Variants in SNX13 observed in about 807,000 individuals in gnomAD.
SNX13 encodes sorting nexin-13.
A neutral mutation model predicts 133.6 loss-of-function variants in SNX13; 45 were observed. The ratio of observed to expected loss-of-function variants is 0.34; its 90% CI spans 0.27 to 0.43. The LOEUF is 0.43. SNX13 is among the 20% of genes least tolerant of loss of function. SNX13 has a pLI of 1.00. For missense variants in SNX13, 1,032 were observed against 1,145.1 expected, an observed-to-expected ratio of 0.90 and a Z score of 1.43; for synonymous variants, 414 against 373.9, an observed-to-expected ratio of 1.11 and a Z score of -1.24.
In SNX13 at chr7:17,831,278, T is replaced by A. The variant is rs143936841; in HGVS notation, c.1598-1231A>T. 4 of 972,332 alleles carry A rather than the reference T, an allele frequency of 4.1e-6. No individual in the cohort carries two copies. The African/African-American group carries it at 7.0e-5, about 17-fold the overall frequency. The allele number at this position is 972,332 out of a possible 1,614,324, so 60.2% of individuals were successfully genotyped here. ...AATATTAGAAAACAAAAGAAAGCACTGTTCAACATGGTGAGACAAATAATG... is the reference window on the plus strand; with the variant it reads ...AATATTAGAAAACAAAAGAAAGCACAGTTCAACATGGTGAGACAAATAATG... On this transcript the variant is annotated intron_variant, in intron 15 of 25. Transcript: ENST00000428135.
At chr7:17,847,466 G>A (rs1164411298) in intron 11 of SNX13, among the ~76,000 whole-genome samples, 3 of 151,994 alleles carry the variant, frequency 2.0e-5, no homozygotes, top group African/African-American at 4.8e-5. Context: ...CGAGTAGCTC[G>A]GATTACAGGC....
At chr7:17,805,258 C>A (rs577771974) in intron 20 of SNX13, among the ~76,000 whole-genome samples, 1 of 80,502 alleles carries the variant, frequency 1.2e-5, no homozygotes, top group African/African-American at 5.5e-5. Context: ...TGTGCGTGCG[C>A]GCGCGCGCAT....
At chr7:17,854,098 G>T (rs967902072) in intron 9 of SNX13, among the ~76,000 whole-genome samples, 2 of 152,144 alleles carry the variant, frequency 1.3e-5, no homozygotes, top group African/African-American at 4.8e-5. Context: ...CTAAGTAAAT[G>T]TATGAGTGTA....
chr7:17,809,676 A>C (rs1025808668), intron 20 of SNX13, among the ~76,000 whole-genome samples: 4 of 152,244 alleles, frequency 2.6e-5, no homozygotes, highest in Admixed American at 6.5e-5. Flanking sequence ...CATTCTTCTC[A>C]GCACCACATC....
At chr7:17,838,279 A>G (rs1391494672) in intron 13 of SNX13, among the ~76,000 whole-genome samples, 1 of 151,982 alleles carries the variant, frequency 6.6e-6, no homozygotes, top group Non-Finnish European at 1.5e-5. Context: ...AAAGTTGATC[A>G]TAATATTTGC....
intron 1 of SNX13, among the ~76,000 whole-genome samples, chr7:17,923,522 C>G (rs1247597574): frequency 6.6e-6 from 1 of 152,108 alleles, no homozygotes; most frequent in Non-Finnish European, 1.5e-5. Flanking sequence ...AGCTATAATT[C>G]TTAGACCTGG....
chr7:17,911,669 G>A (rs1798999727), intron 1 of SNX13, among the ~76,000 whole-genome samples: 1 of 150,826 alleles, frequency 6.6e-6, no homozygotes, highest in Non-Finnish European at 1.5e-5. Context: ...TAACATAATT[G>A]CTTCCCATAA....
intron 9 of SNX13, among the ~76,000 whole-genome samples, chr7:17,859,530 G>A (rs1001877843): frequency 3.3e-5 from 5 of 152,056 alleles, no homozygotes; most frequent in African/African-American, 1.2e-4. Flanking sequence ...TTTTTCTACT[G>A]TGGTCAAAAA....
chr7:17,853,932 A>T (rs1022074397), intron 9 of SNX13, among the ~76,000 whole-genome samples: 1 of 151,884 alleles, frequency 6.6e-6, no homozygotes, highest in African/African-American at 2.4e-5. Context: ...CAGAGCGAGA[A>T]TCCATCTCCA....
intron 1 of SNX13, among the ~76,000 whole-genome samples, chr7:17,931,109 T>C (rs534104833): frequency 5.9e-5 from 9 of 152,304 alleles, no homozygotes; most frequent in African/African-American, 2.2e-4. Flanking sequence ...ACTTTAAGTG[T>C]TGAGCAGTTG....
intron 22 of SNX13, 86 bp downstream of exon 22, chr7:17,801,502 G>T: frequency 2.1e-6 from 2 of 955,254 alleles, no homozygotes; most frequent in South Asian, 1.6e-5. Context: ...GCACATTAAT[G>T]ATACATAGAA....
intron 1 of SNX13, among the ~76,000 whole-genome samples, chr7:17,905,629 T>C (rs998685946): frequency 2.6e-5 from 4 of 152,198 alleles, no homozygotes; most frequent in Non-Finnish European, 4.4e-5. Context: ...TGCTAAAGTT[T>C]TGGTAAATTC....
intron 1 of SNX13, among the ~76,000 whole-genome samples, chr7:17,925,987 T>C (rs1800707607): frequency 6.6e-6 from 1 of 152,234 alleles, no homozygotes; most frequent in Non-Finnish European, 1.5e-5. Context: ...AATAATGTTG[T>C]GGTTATAGGT....
chr7:17,853,747 G>A (rs149620997), intron 9 of SNX13, among the ~76,000 whole-genome samples: 1,820 of 152,196 alleles, frequency 0.012, 17 homozygotes, highest in Middle Eastern at 0.068. Context: ...TTCAGGACCA[G>A]CCTGGCCAAA....
rs1205075272 is a variant in SNX13 at position 17,830,158 on chromosome 7, T to C, written c.1598-111A>G. On this transcript the variant is annotated intron_variant, in intron 15 of 25. Transcript: ENST00000428135. Reference sequence around the variant, plus strand: ...TCACATAAGCCAAGATATAACATAATAGTAAAAAAAAAAAAAAAAAAAAAA... The same window carrying C: ...TCACATAAGCCAAGATATAACATAACAGTAAAAAAAAAAAAAAAAAAAAAA... The C allele has an allele frequency of 6.4e-6, 3 of 466,288 alleles. No homozygotes were observed. In the African/African-American group the frequency reaches 2.0e-4, roughly 31 times the overall value. The allele number at this position is 466,288 out of a possible 1,614,324, so 28.9% of individuals were successfully genotyped here. A position where few individuals can be genotyped will look rare whatever the true frequency, so the allele number is the denominator to read the frequency against.
chr7:17,846,900 G>A (rs560497371), intron 11 of SNX13, among the ~76,000 whole-genome samples: 59 of 152,266 alleles, frequency 3.9e-4, no homozygotes, highest in South Asian at 1.7e-3. Context: ...AAGATTTCAA[G>A]ATAAGTAACA....
intron 20 of SNX13, among the ~76,000 whole-genome samples, chr7:17,806,288 A>C (rs1406989334): frequency 6.6e-6 from 1 of 152,202 alleles, no homozygotes; most frequent in East Asian, 1.9e-4. Context: ...TTTTCTAAAA[A>C]TTGTTTCACA....
rs192707646 is a variant in SNX13, at chr7:17,901,242, G to A, written c.13-3796C>T. Among the ~76,000 whole-genome samples, 46 of 152,254 alleles carry A rather than the reference G, an allele frequency of 3.0e-4. 1 individual carries two copies. The highest frequency in any genetic ancestry group is 2.7e-3 in the Admixed American group (41 of 15,298). ...TCCCTCTCCTCTTCTCAAGCAGAGAGAAGGAGTCTTTCCCGGACCTGCAAG... is the reference window on the plus strand; with the variant it reads ...TCCCTCTCCTCTTCTCAAGCAGAGAAAAGGAGTCTTTCCCGGACCTGCAAG... On this transcript the variant is annotated intron_variant, in intron 1 of 25. Transcript: ENST00000428135.
intron 24 of SNX13, among the ~76,000 whole-genome samples, chr7:17,797,982 A>T (rs1344536597): frequency 6.6e-6 from 1 of 151,912 alleles, no homozygotes; most frequent in Non-Finnish European, 1.5e-5. Context: ...AAGCATACAT[A>T]AAGTACTGTG....
Sources: gnomAD v4.1 joint callset for allele counts (sites outside exome capture counted in the v4.1 genomes callset) on GRCh38, gnomAD v4.1.1 for gene constraint, MANE v1.5 for transcripts, NCBI Gene and HGNC (gene_info 2026-07-23, HGNC 2026-07-21) for gene names.